GPC3: variants seen among roughly 807,000 people sequenced by gnomAD.
The protein encoded by GPC3 is glypican-3.
Under a neutral mutation model 34.4 loss-of-function variants are expected in GPC3, and 3 were observed. That is an observed-to-expected ratio of 0.09 (90% CI 0.04 to 0.23). The LOEUF is 0.23. Among genes scored for constraint, GPC3 ranks in the 10% least tolerant of loss-of-function variants. The pLI is 1.00. For missense variants in GPC3, 351 were observed against 445.6 expected (o/e 0.79, Z 1.91); for synonymous variants, 177 against 174.0 (o/e 1.02, Z -0.13).
intron 1 of GPC3, among the ~76,000 whole-genome samples, 193 bp from the exon 2 acceptor site, chrX:133,953,404 C>A (rs774692625): frequency 8.1e-4 from 90 of 110,864 alleles, no homozygotes; most frequent in Non-Finnish European, 1.1e-3. Context: ...TGCTTTCTCC[C>A]AATTGTCCTT....
intron 7 of GPC3, among the ~76,000 whole-genome samples, chrX:133,584,938 AAAAAAAAAC>A (rs935747929): frequency 9.1e-6 from 1 of 110,383 alleles, no homozygotes; most frequent in African/African-American, 3.3e-5. Flanking sequence ...GCCAAAAAAA[AAAAAAAAAC>A]AAAAAAACAA....
intron 2 of GPC3, among the ~76,000 whole-genome samples, chrX:133,877,152 T>C (rs2076020466): frequency 8.9e-6 from 1 of 111,855 alleles, no homozygotes; most frequent in South Asian, 3.7e-4. Context: ...ATATTGAAGA[T>C]ATAAAAGAAT....
chrX:133,869,597 G>A (rs764437857), intron 2 of GPC3, among the ~76,000 whole-genome samples: 30 of 111,869 alleles, frequency 2.7e-4, no homozygotes, highest in Admixed American at 9.5e-4. Context: ...GCACAGAATA[G>A]TAACATGAAA....
At chrX:133,873,086 GT>G (rs1328006261) in intron 2 of GPC3, among the ~76,000 whole-genome samples, 1 of 112,133 alleles carries the variant, frequency 8.9e-6, no homozygotes, top group Admixed American at 9.5e-5. Flanking sequence ...TTACTAAGAA[GT>G]TTTTATACCC....
At chrX:133,607,696 C>G (rs1387074416) in intron 6 of GPC3, among the ~76,000 whole-genome samples, 3 of 112,586 alleles carry the variant, frequency 2.7e-5, no homozygotes, top group Non-Finnish European at 3.8e-5. Context: ...GATAGCAAGA[C>G]AGCTGAACAG....
chrX:133,923,317 C>T (rs1224271292), intron 2 of GPC3, among the ~76,000 whole-genome samples: 1 of 111,680 alleles, frequency 9.0e-6, no homozygotes, highest in Non-Finnish European at 1.9e-5. Flanking sequence ...GTGGAGGAGG[C>T]AGGCTGGAAG....
chrX:133,627,341 AT>A (rs769819904), intron 6 of GPC3, among the ~76,000 whole-genome samples: 6 of 111,730 alleles, frequency 5.4e-5, no homozygotes, highest in Admixed American at 2.8e-4. Flanking sequence ...AATAGTTCTT[AT>A]TTGGCTAAAA....
chrX:133,958,692 G>A lies in GPC3; in HGVS notation c.176-5481C>T, dbSNP rs1475439416. ...ACTACCAACGCCTGGCCAACATGGCGAAACCCCATCTCTACTGAAAAAAAA... is the reference window on the plus strand; with the variant it reads ...ACTACCAACGCCTGGCCAACATGGCAAAACCCCATCTCTACTGAAAAAAAA... On this transcript the variant is annotated intron_variant, in intron 1 of 7. Coordinates refer to ENST00000370818, the MANE Select transcript of GPC3 (RefSeq NM_004484.4). Among the ~76,000 whole-genome samples, 9 of 91,461 alleles carry A rather than the reference G, an allele frequency of 9.8e-5. 1 individual carries two copies. The South Asian group carries it at 3.3e-3, about 34-fold the overall frequency. The allele number at this position is 91,461 out of a possible 115,157, so 79.4% of individuals were successfully genotyped here.
At chrX:133,681,834 C>T (rs189528861) in intron 5 of GPC3, among the ~76,000 whole-genome samples, 5 of 111,935 alleles carry the variant, frequency 4.5e-5, no homozygotes, top group Admixed American at 1.9e-4. Context: ...AGAAATTGGA[C>T]AAAAATGTTT....
At chrX:133,633,265 TC>T (rs2070384220) in intron 6 of GPC3, among the ~76,000 whole-genome samples, 1 of 112,380 alleles carries the variant, frequency 8.9e-6, no homozygotes, top group East Asian at 2.8e-4. Flanking sequence ...TAATCTCCAA[TC>T]AGAATATGCC....
chrX:133,664,540 A>G (rs903877643), intron 5 of GPC3, among the ~76,000 whole-genome samples: 19 of 111,650 alleles, frequency 1.7e-4, no homozygotes, highest in African/African-American at 5.2e-4. Flanking sequence ...GATAGTAATG[A>G]CCAAAAAAAT....
chrX:133,556,214 C>T (rs1678547099), intron 7 of GPC3, among the ~76,000 whole-genome samples: 2 of 111,680 alleles, frequency 1.8e-5, no homozygotes, highest in Non-Finnish European at 3.8e-5. Context: ...AATTTTAAAA[C>T]TACTCAACAT....
intron 2 of GPC3, among the ~76,000 whole-genome samples, chrX:133,911,445 A>AT (rs920362699): frequency 2.7e-5 from 3 of 111,408 alleles, no homozygotes; most frequent in African/African-American, 6.5e-5. Flanking sequence ...AGGCGCTCAG[A>AT]TTTTTTTTAA....
intron 6 of GPC3, among the ~76,000 whole-genome samples, chrX:133,611,231 G>A (rs1603192041): frequency 9.2e-6 from 1 of 109,152 alleles, no homozygotes; most frequent in African/African-American, 3.3e-5. Flanking sequence ...GTGTGGGTGG[G>A]GGTGTGGTGG....
intron 2 of GPC3, among the ~76,000 whole-genome samples, chrX:133,887,411 C>T (rs1428635482): frequency 8.9e-6 from 1 of 112,239 alleles, no homozygotes; most frequent in Non-Finnish European, 1.9e-5. Flanking sequence ...AAGTGTTTCC[C>T]TAATGATTAG....
At chrX:133,973,938 G>T (rs2076503858) in intron 1 of GPC3, among the ~76,000 whole-genome samples, 1 of 112,684 alleles carries the variant, frequency 8.9e-6, no homozygotes, top group Admixed American at 9.3e-5. Flanking sequence ...CTGTGTGTAC[G>T]TGAGCTATAT....
intron 6 of GPC3, among the ~76,000 whole-genome samples, chrX:133,661,191 C>T (rs188225069): frequency 9.4e-6 from 1 of 106,107 alleles, no homozygotes; most frequent in South Asian, 3.8e-4. Flanking sequence ...AACAAAACAA[C>T]AATAACAAAA....
At chrX:133,946,885 T>C (rs1250012090) in intron 2 of GPC3, among the ~76,000 whole-genome samples, 9 of 110,926 alleles carry the variant, frequency 8.1e-5, no homozygotes, top group Admixed American at 2.9e-4. Flanking sequence ...AAAGGAGCAA[T>C]ACAGGTGCCT....
At chrX:133,803,978 C>CCA (rs10571712) in intron 2 of GPC3, among the ~76,000 whole-genome samples, 1,477 of 94,279 alleles carry the variant, frequency 0.016, 29 homozygotes, top group African/African-American at 0.045. Flanking sequence ...TGAGATAAAT[C>CCA]CACACACACA....
Sources: gnomAD v4.1 joint callset for allele counts (sites outside exome capture counted in the v4.1 genomes callset) on GRCh38, gnomAD v4.1.1 for gene constraint, MANE v1.5 for transcripts, NCBI Gene and HGNC (gene_info 2026-07-23, HGNC 2026-07-21) for gene names.